Variants in RFX6 observed in about 807,000 individuals in gnomAD.
The protein encoded by RFX6 is DNA-binding protein RFX6.
RFX6 carries 50 observed loss-of-function variants against 110.8 expected under a neutral mutation model. That is an observed-to-expected ratio of 0.45 (90% CI 0.36 to 0.57). The LOEUF (loss-of-function observed/expected upper bound fraction) is 0.57. RFX6 is among the 20% of genes least tolerant of loss of function. RFX6 has a pLI of 0.00. For synonymous variants in RFX6, 383 were observed against 411.2 expected (o/e 0.93, Z 0.83); for missense variants, 990 against 1,127.0 (o/e 0.88, Z 1.74).
chr6:116,897,196 A>C (rs1316321070), intron 6 of RFX6, among the ~76,000 whole-genome samples: 1 of 152,028 alleles, frequency 6.6e-6, no homozygotes, highest in Non-Finnish European at 1.5e-5. Context: ...AGAGTGGTTA[A>C]GACAGATGGA....
In RFX6 at chr6:116,919,038, G is replaced by A; in HGVS notation, c.1023-99G>A. ...TAGGCTGTCTGACTTCAAAAGTACT[G>A]CTTATGAAACCATAGAATAATAGTA... On this transcript the variant is annotated intron_variant, in intron 10 of 18. Coordinates refer to ENST00000332958, the MANE Select transcript of RFX6 (RefSeq NM_173560.4). The A allele has an allele frequency of 3.6e-6, 4 of 1,107,356 alleles. No individual in the cohort carries two copies. The South Asian group carries it at 5.2e-5, about 14-fold the overall frequency. The allele number at this position is 1,107,356 out of a possible 1,614,324, so 68.6% of individuals were successfully genotyped here.
In RFX6 at chr6:116,931,828, G is replaced by T. The variant is rs1775892997; in HGVS notation, c.*322G>T. 4.1e-6 allele frequency: 1 copy of T among 241,158 alleles called. No homozygotes were observed. Among genetic ancestry groups the T allele is most frequent in the Non-Finnish European group, 8.0e-6 (1 of 124,318 alleles). The allele number at this position is 241,158 out of a possible 1,614,324, so 14.9% of individuals were successfully genotyped here. ...ACTTTCTAATTTATTAAACATCTGT[G>T]TGCCTTTTTATCTTTGGTTTCTTTT... On this transcript the variant is annotated 3_prime_UTR_variant, in exon 19 of 19. Coordinates refer to ENST00000332958, the MANE Select transcript of RFX6 (RefSeq NM_173560.4).
chr6:116,931,634 C>A lies in RFX6; in HGVS notation c.*128C>A. 1.4e-6 allele frequency: 1 copy of A among 713,218 alleles called. No individual in the cohort carries two copies. Among genetic ancestry groups the A allele is most frequent in the Non-Finnish European group, 2.4e-6 (1 of 421,896 alleles). The allele number at this position is 713,218 out of a possible 1,614,324, so 44.2% of individuals were successfully genotyped here. On this transcript the variant is annotated 3_prime_UTR_variant, in exon 19 of 19. Transcript: ENST00000332958. ...GCAGTGGCTGACATTGTTTTAAAGT[C>A]ACTGGTACTATGGACAACTCCATAG...
chr6:116,919,970 C>A (rs1009735100), intron 11 of RFX6, among the ~76,000 whole-genome samples: 2 of 152,096 alleles, frequency 1.3e-5, no homozygotes, highest in Non-Finnish European at 2.9e-5. Context: ...TGATCATGGA[C>A]AAAGAGAATC....
chr6:116,884,653 A>C (rs1774661546), intron 4 of RFX6: 2 of 152,208 alleles, frequency 1.3e-5, no homozygotes, highest in Admixed American at 1.3e-4. Context: ...CCCTCTTGAC[A>C]GGATCTATAA....
chr6:116,916,222 T>C lies in RFX6; in HGVS notation c.880T>C (p.Phe294Leu). The C allele has an allele frequency of 6.2e-7, 1 of 1,612,902 alleles. No individual in the cohort carries two copies. Residue 294 changes from phenylalanine (F) to leucine (L), a missense_variant, in exon 9 of 19, where the codon TTT becomes CTT. By Grantham distance (22) the Phe-to-Leu change is conservative. Transcript: ENST00000332958. Reference sequence around the variant, plus strand: ...CTAGATCCAGCATTTTTTATTACACTTTTGGCAAGGAATGCCTGACCATCT... The same window carrying C: ...CTAGATCCAGCATTTTTTATTACACCTTTGGCAAGGAATGCCTGACCATCT... ...FEEIQHFLLHFWQGMPDHLLP... is the reference protein window; with the variant it reads ...FEEIQHFLLHLWQGMPDHLLP...
rs539259878 is a variant in RFX6 at position 116,922,959 on chromosome 6, C to T, written c.1438-148C>T. ...AGCAAAGACAGGCTAACATTAAATTCCCTGGACAGATAGTTTTATTTGATG... is the reference window on the plus strand; with the variant it reads ...AGCAAAGACAGGCTAACATTAAATTTCCTGGACAGATAGTTTTATTTGATG... On this transcript the variant is annotated intron_variant, in intron 13 of 18. Coordinates refer to ENST00000332958, the MANE Select transcript of RFX6 (RefSeq NM_173560.4). 1.4e-5 allele frequency: 10 copies of T among 700,108 alleles called. No individual in the cohort carries two copies. In the African/African-American group the frequency reaches 1.8e-4, roughly 12 times the overall value. 43.4% of individuals were successfully genotyped at this position (700,108 alleles called of 1,614,324 possible). A position where few individuals can be genotyped will look rare whatever the true frequency, so the allele number is the denominator to read the frequency against.
At chr6:116,929,088 T>C (rs1775825143) in intron 18 of RFX6, 117 bp downstream of exon 18, 2 of 752,906 alleles carry the variant, frequency 2.7e-6, no homozygotes, top group African/African-American at 3.4e-5. Flanking sequence ...CCACGGTTGA[T>C]TTATTACCTT....
chr6:116,903,046 C>T (rs929310381), intron 6 of RFX6, among the ~76,000 whole-genome samples: 1 of 152,000 alleles, frequency 6.6e-6, no homozygotes, highest in African/African-American at 2.4e-5. Context: ...CAAACCCAGA[C>T]CTCTGTAGCT....
intron 6 of RFX6, among the ~76,000 whole-genome samples, chr6:116,908,394 ATTTG>A (rs1260657989): frequency 2.0e-5 from 3 of 152,020 alleles, no homozygotes; most frequent in Non-Finnish European, 4.4e-5. Context: ...TTTTTGTGTA[ATTTG>A]TTTTAGTTTT....
chr6:116,877,882 C>A lies in RFX6; in HGVS notation c.310C>A (p.Leu104Met), dbSNP rs1330544022. 5 of 1,613,962 alleles carry A rather than the reference C, an allele frequency of 3.1e-6. No homozygotes were observed. The highest frequency in any genetic ancestry group is 4.2e-6 in the Non-Finnish European group (5 of 1,179,984). Residue 104 changes from leucine to methionine, a missense_variant, in exon 2 of 19, where the codon CTG (leucine) becomes ATG (methionine). Around this residue, in one of 5 missense-constraint regions of RFX6, gnomAD observed 175 missense variants for 162.3 expected, o/e 1.08. Coordinates refer to ENST00000332958, the MANE Select transcript of RFX6 (RefSeq NM_173560.4). ...DSKTKAADQY[L>M]SQKKTITQIV... ...CAAAACCAAAGCAGCGGATCAATACCTGTCTCAGAAGAAAACCATCACGCA... is the reference window on the plus strand; with the variant it reads ...CAAAACCAAAGCAGCGGATCAATACATGTCTCAGAAGAAAACCATCACGCA...
intron 11 of RFX6, 85 bp from the exon 12 acceptor site, chr6:116,920,225 G>C: frequency 9.8e-7 from 1 of 1,023,820 alleles, no homozygotes; most frequent in South Asian, 1.3e-5. Flanking sequence ...TTATCTCAAG[G>C]AACTATTTTT....
intron 6 of RFX6, among the ~76,000 whole-genome samples, chr6:116,901,570 A>G (rs1444448895): frequency 6.6e-6 from 1 of 152,208 alleles, no homozygotes; most frequent in African/African-American, 2.4e-5. Flanking sequence ...AAGAATGACT[A>G]ACAGTGCTAG....
intron 6 of RFX6, among the ~76,000 whole-genome samples, chr6:116,900,353 C>G (rs920175361): frequency 6.6e-6 from 1 of 151,936 alleles, no homozygotes; most frequent in Non-Finnish European, 1.5e-5. Context: ...CTCCAGTGTT[C>G]AAGTGATTCT....
Position 116,927,155 on chromosome 6 carries a change from C to G in RFX6, c.2014C>G (p.Leu672Val), listed in dbSNP as rs773705266. 1 of 1,614,192 alleles carries G rather than the reference C, an allele frequency of 6.2e-7. No homozygotes were observed. Among genetic ancestry groups the G allele is most frequent in the Non-Finnish European group, 8.5e-7 (1 of 1,180,016 alleles). ...GAGGCCCCCAAGTGTGGGCCCAGTA[C>G]TGTCAGCTCCATCACACTGCTCCAC... ...AGRPPSVGPV[L>V]SAPSHCSTYP... The change falls in exon 17 of 19, where the codon CTG becomes GTG. Residue 672 changes from leucine to valine, a missense_variant. Physicochemically the swap from Leu to Val is conservative, Grantham distance 32 (BLOSUM62 1). This residue lies in a region of RFX6 where 438 missense variants were observed against 441.9 expected (regional missense o/e 0.99). Transcript: ENST00000332958.
chr6:116,931,644 A>G lies in RFX6; in HGVS notation c.*138A>G. The stretch of plus-strand genomic sequence containing the variant: ...ACATTGTTTTAAAGTCACTGGTACT[A>G]TGGACAACTCCATAGTGAATGGAGA... On this transcript the variant is annotated 3_prime_UTR_variant, in exon 19 of 19. Transcript: ENST00000332958. 1 of 661,382 alleles carries G rather than the reference A, an allele frequency of 1.5e-6. No homozygotes were observed. The highest frequency in any genetic ancestry group is 2.7e-5 in the East Asian group (1 of 36,750). 41.0% of individuals were successfully genotyped at this position (661,382 alleles called of 1,614,324 possible).
chr6:116,887,126 T>A (rs1774715982), intron 4 of RFX6, among the ~76,000 whole-genome samples: 1 of 151,756 alleles, frequency 6.6e-6, no homozygotes, highest in African/African-American at 2.4e-5. Context: ...ACAGACAGGA[T>A]CACTGTGTAG....
rs115272851 is a variant in RFX6, at chr6:116,915,384, T to G, written c.781-624T>G. Among the ~76,000 whole-genome samples, 860 of 152,286 alleles carry G rather than the reference T, an allele frequency of 5.6e-3. 11 individuals are homozygous for G. Among genetic ancestry groups the G allele is most frequent in the African/African-American group, 0.019 (808 of 41,552 alleles). ...GTTCCATATGTGTCACATCCTATTT[T>G]ATTTGATTTTCTTAACACCATGTAA... is the stretch of plus-strand genomic sequence containing the variant. On this transcript the variant is annotated intron_variant, in intron 7 of 18. Transcript: ENST00000332958.
chr6:116,892,159 G>A lies in RFX6; in HGVS notation c.567-1828G>A, dbSNP rs550882379. On this transcript the variant is annotated intron_variant, in intron 4 of 18. Coordinates refer to ENST00000332958, the MANE Select transcript of RFX6 (RefSeq NM_173560.4). ...AGTTATAATATTTGTTGCTGCTGTT[G>A]TTGTTTTGATGTTTAAAAATCCTTT... Among the ~76,000 whole-genome samples, 6 of 152,294 alleles carry A rather than the reference G, an allele frequency of 3.9e-5. No homozygotes were observed. In the South Asian group the frequency reaches 1.2e-3, roughly 32 times the overall value.
Sources: gnomAD v4.1 joint callset for allele counts (sites outside exome capture counted in the v4.1 genomes callset) on GRCh38, gnomAD v4.1.1 for gene constraint, gnomAD v4.1.1 regional missense constraint, MANE v1.5 for transcripts, NCBI Gene and HGNC (gene_info 2026-07-23, HGNC 2026-07-21) for gene names.